The following C2orf81 variants were observed in gnomAD, a reference collection of about 807,000 sequenced individuals.
The protein encoded by C2orf81 is chromosome 2 open reading frame 81, also known as uncharacterized protein C2orf81.
In C2orf81, 5 loss-of-function variants were observed where a neutral mutation model predicts 7.9. The observed-to-expected ratio is 0.63, with a 90% CI of 0.33 to 1.33. The LOEUF (loss-of-function observed/expected upper bound fraction) is 1.33, where lower values mean the gene tolerates loss of function less well. C2orf81 is among the 40% of genes most tolerant of loss of function. The probability of loss-of-function intolerance (pLI) is 0.05; values close to 1 mark genes in which losing one functional copy is unlikely to be tolerated. For missense variants in C2orf81, 781 were observed against 830.4 expected (o/e 0.94, Z 0.73); for synonymous variants, 346 against 367.4 (o/e 0.94, Z 0.66).
At chr2:74,419,503 G>A (rs1676544976) in intron 1 of C2orf81, among the ~76,000 whole-genome samples, 1 of 152,154 alleles carries the variant, frequency 6.6e-6, no homozygotes, top group Non-Finnish European at 1.5e-5. Flanking sequence ...CTCAGCATTG[G>A]CAAAGGTTTA....
At position 74,415,390 on chromosome 2, in the gene C2orf81, A is replaced by G; in HGVS notation, c.787T>C (p.Ser263Pro). ...AGSLSASFQL[S>P]VEEAPADDAD... ...TCGTCGGCAGGCGCCTCCTCCACCGACAGTTGGAAGCTCGCGCTCAAGGAC... is the reference window on the plus strand; with the variant it reads ...TCGTCGGCAGGCGCCTCCTCCACCGGCAGTTGGAAGCTCGCGCTCAAGGAC... The change falls in exon 3 of 3, where the codon TCG becomes CCG. Residue 263 changes from serine to proline, a missense_variant. Coordinates refer to ENST00000684111, the MANE Select transcript of C2orf81 (RefSeq NM_001316764.3). The surrounding 1 kb of genome is among the most constrained non-coding windows in gnomAD (Gnocchi z 5.5). The G allele has an allele frequency of 1.3e-6, 2 of 1,522,064 alleles. No individual in the cohort carries two copies. The highest frequency in any genetic ancestry group is 1.8e-6 in the Non-Finnish European group (2 of 1,128,812). The allele number at this position is 1,522,064 out of a possible 1,614,324, so 94.3% of individuals were successfully genotyped here.
In C2orf81 at chr2:74,421,607, C is replaced by T. The variant is rs772900811; in HGVS notation, c.-47G>A. On this transcript the variant is annotated 5_prime_UTR_variant, in exon 1 of 3. Coordinates refer to ENST00000684111, the MANE Select transcript of C2orf81 (RefSeq NM_001316764.3). ...GCTGGTGTTTCTGCTGCATCCGGGC[C>T]GCGTAAGCCACCTAACAGTCGCCTG... 7 of 426,994 alleles carry T rather than the reference C, an allele frequency of 1.6e-5. No homozygotes were observed. Among genetic ancestry groups the T allele is most frequent in the Admixed American group, 4.3e-5 (1 of 23,218 alleles). The allele number at this position is 426,994 out of a possible 1,614,324, so 26.5% of individuals were successfully genotyped here.
intron 1 of C2orf81, 73 bp from the exon 2 acceptor site, chr2:74,416,314 G>T: frequency 8.9e-7 from 1 of 1,121,312 alleles, no homozygotes. Context: ...TAGGCTAGGA[G>T]GAAGCTTTCT....
intron 1 of C2orf81, among the ~76,000 whole-genome samples, chr2:74,417,174 C>A (rs141815706): frequency 2.0e-5 from 3 of 152,204 alleles, no homozygotes; most frequent in Admixed American, 2.0e-4. Context: ...AAACAACTGT[C>A]CAGAGGTAGT....
At position 74,421,598 on chromosome 2, in the gene C2orf81, C is replaced by T. The variant is rs563700417; in HGVS notation, c.-38G>A. 2 of 429,772 alleles carry T rather than the reference C, an allele frequency of 4.7e-6. No homozygotes were observed. Among genetic ancestry groups the T allele is most frequent in the South Asian group, 1.2e-4 (2 of 16,368 alleles). 26.6% of individuals were successfully genotyped at this position (429,772 alleles called of 1,614,324 possible). A position where few individuals can be genotyped will look rare whatever the true frequency, so the allele number is the denominator to read the frequency against. On this transcript the variant is annotated 5_prime_UTR_variant, in exon 1 of 3. The change abolishes an upstream ATG in the 5' untranslated region. Transcript: ENST00000684111. ...CGCAGCAACGCTGGTGTTTCTGCTGCATCCGGGCCGCGTAAGCCACCTAAC... is the reference window on the plus strand; with the variant it reads ...CGCAGCAACGCTGGTGTTTCTGCTGTATCCGGGCCGCGTAAGCCACCTAAC...
At chr2:74,420,047 C>A (rs1355860917) in intron 1 of C2orf81, among the ~76,000 whole-genome samples, 1 of 152,156 alleles carries the variant, frequency 6.6e-6, no homozygotes, top group Admixed American at 6.5e-5. Flanking sequence ...ACCAACCCAG[C>A]CATTAAAGGT....
intron 1 of C2orf81, among the ~76,000 whole-genome samples, chr2:74,417,949 C>G (rs1274761955): frequency 6.6e-6 from 1 of 151,848 alleles, no homozygotes; most frequent in African/African-American, 2.4e-5. Flanking sequence ...CCTCTCCACT[C>G]AGCCCATAGG....
chr2:74,417,699 T>A, intron 1 of C2orf81: 1 of 581,816 alleles, frequency 1.7e-6, no homozygotes, highest in Non-Finnish European at 2.7e-6. Context: ...GGGCCCCTTT[T>A]AAGACCAGGG....
At chr2:74,418,835 G>A (rs1362778757) in intron 1 of C2orf81, among the ~76,000 whole-genome samples, 1 of 151,624 alleles carries the variant, frequency 6.6e-6, no homozygotes, top group Non-Finnish European at 1.5e-5. Flanking sequence ...AAAGACATTT[G>A]CAACAAATAT....
rs1182947576 is a variant in C2orf81 at position 74,414,923 on chromosome 2, G to A, written c.1254C>T (p.Ala418=). The A allele has an allele frequency of 6.5e-6, 10 of 1,544,448 alleles. No individual in the cohort carries two copies. Among genetic ancestry groups the A allele is most frequent in the Non-Finnish European group, 1.7e-6 (2 of 1,143,098 alleles). Residue 418 remains alanine, a synonymous_variant, in exon 3 of 3, where the codon GCC becomes GCT. Coordinates refer to ENST00000684111, the MANE Select transcript of C2orf81 (RefSeq NM_001316764.3). This position sits in a 1 kb window ranked among gnomAD's most constrained non-coding sequence, Gnocchi z 5.3. Reference sequence around the variant, plus strand: ...TGCCGGGGCCGAGGGCTTGGGGTTCGGCCCGGGCCTTGGTCTTCTCGCCCC... The same window carrying A: ...TGCCGGGGCCGAGGGCTTGGGGTTCAGCCCGGGCCTTGGTCTTCTCGCCCC... ...RQRGEKTKAR[A]EPQALGPGTR...
chr2:74,418,334 G>T, intron 1 of C2orf81: 1 of 1,604,140 alleles, frequency 6.2e-7, no homozygotes, highest in Non-Finnish European at 8.5e-7. Flanking sequence ...GCTGTCCTGG[G>T]ACTCACCGGA....
chr2:74,416,828 G>A (rs1049343769), intron 1 of C2orf81, among the ~76,000 whole-genome samples: 18 of 151,036 alleles, frequency 1.2e-4, no homozygotes, highest in African/African-American at 4.4e-4. Flanking sequence ...TTCCAGAAAA[G>A]GATTTTTTTT....
rs1294250228 is a variant in C2orf81, at chr2:74,415,403, C to T, written c.774G>A (p.Ala258=). 1 of 1,526,770 alleles carries T rather than the reference C, an allele frequency of 6.5e-7. No homozygotes were observed. Among genetic ancestry groups the T allele is most frequent in the Non-Finnish European group, 8.8e-7 (1 of 1,131,542 alleles). 94.6% of individuals were successfully genotyped at this position (1,526,770 alleles called of 1,614,324 possible). The stretch of plus-strand genomic sequence containing the variant: ...CCTCCTCCACCGACAGTTGGAAGCT[C>T]GCGCTCAAGGACCCGGCCGAGGAGA... ...RGLSSAGSLS[A]SFQLSVEEAP... The change falls in exon 3 of 3, where the codon GCG becomes GCA. Residue 258 remains alanine (A), a synonymous_variant. Coordinates refer to ENST00000684111, the MANE Select transcript of C2orf81 (RefSeq NM_001316764.3). The surrounding 1 kb of genome is among the most constrained non-coding windows in gnomAD (Gnocchi z 5.5).
In C2orf81 at chr2:74,414,199, G is replaced by A. The variant is rs1676371831; in HGVS notation, c.*130C>T. 1.1e-6 allele frequency: 1 copy of A among 939,130 alleles called. No individual in the cohort carries two copies. Among genetic ancestry groups the A allele is most frequent in the South Asian group, 3.0e-5 (1 of 33,892 alleles). 58.2% of individuals were successfully genotyped at this position (939,130 alleles called of 1,614,324 possible). On this transcript the variant is annotated 3_prime_UTR_variant, in exon 3 of 3. Transcript: ENST00000684111. The surrounding 1 kb of genome is among the most constrained non-coding windows in gnomAD (Gnocchi z 5.3). ...GACTAGTTCCTAAGGCAACTCAGGT[G>A]TTTATTTCTGGCTAGCAGAGGGAGG...
chr2:74,416,578 A>AG (rs1386786981), intron 1 of C2orf81: 1 of 158,250 alleles, frequency 6.3e-6, no homozygotes, highest in Admixed American at 6.4e-5. Flanking sequence ...AAAAAAAAAA[A>AG]AAAAAAAAAA....
chr2:74,414,463 C>G lies in C2orf81; in HGVS notation c.1714G>C (p.Gly572Arg), dbSNP rs750882372. 6.4e-7 allele frequency: 1 copy of G among 1,551,230 alleles called. No individual in the cohort carries two copies. Among genetic ancestry groups the G allele is most frequent in the South Asian group, 1.2e-5 (1 of 84,032 alleles). ...LLPEALKLAP[G>R]VSMWNRSTQV... is the part of the protein sequence containing the mutation. Reference sequence around the variant, plus strand: ...GTGCTCCGGTTCCACATGCTCACACCAGGGGCCAGCTTCAGGGCTTCTGGC... The same window carrying G: ...GTGCTCCGGTTCCACATGCTCACACGAGGGGCCAGCTTCAGGGCTTCTGGC... Residue 572 changes from glycine (G) to arginine (R), a missense_variant, in exon 3 of 3, where the codon GGT (glycine) becomes CGT (arginine). Transcript: ENST00000684111. The surrounding 1 kb of genome is among the most constrained non-coding windows in gnomAD (Gnocchi z 5.3).
At chr2:74,416,565 C>CAAAAAAAAAAAAAAAAAAAAAAA (rs59349435) in intron 1 of C2orf81, 29 of 52,130 alleles carry the variant, frequency 5.6e-4, no homozygotes, top group Middle Eastern at 0.013. Flanking sequence ...GACTGCGTCT[C>CAAAAAAAAAAAAAAAAAAAAAAA]AAAAAAAAAA....
At chr2:74,418,339 A>T in intron 1 of C2orf81, 1 of 1,603,490 alleles carries the variant, frequency 6.2e-7, no homozygotes, top group Non-Finnish European at 8.5e-7. Flanking sequence ...CCTGGGACTC[A>T]CCGGAGGCTG....
intron 1 of C2orf81, chr2:74,418,610 G>T (rs1234029216): frequency 1.6e-6 from 1 of 611,114 alleles, no homozygotes; most frequent in Non-Finnish European, 2.9e-6. Context: ...TGCCTTCCTG[G>T]AGCCGCGCCA....
Sources: allele counts gnomAD v4.1 joint callset (sites outside exome capture counted in the v4.1 genomes callset), GRCh38; gene constraint gnomAD v4.1.1; non-coding constraint Gnocchi (gnomAD v3.1); transcripts MANE v1.5; gene names NCBI Gene and HGNC (gene_info 2026-07-23, HGNC 2026-07-21).